The following ST6GALNAC5 variants were observed in gnomAD, a reference collection of about 807,000 sequenced individuals.
The protein encoded by ST6GALNAC5 is alpha-N-acetylgalactosaminide alpha-2,6-sialyltransferase 5.
A neutral mutation model predicts 33.6 loss-of-function variants in ST6GALNAC5; 27 were observed. The observed-to-expected ratio is 0.80, with a 90% CI of 0.59 to 1.11. The LOEUF is 1.11. Among genes scored for constraint, ST6GALNAC5 ranks in the 50% least tolerant of loss-of-function variants. The pLI is 0.00. For missense variants in ST6GALNAC5, 428 were observed against 454.0 expected, an observed-to-expected ratio of 0.94 and a Z score of 0.52; for synonymous variants, 194 against 171.2, an observed-to-expected ratio of 1.13 and a Z score of -1.04.
chr1:76,989,004 T>G (rs977730871), intron 2 of ST6GALNAC5, among the ~76,000 whole-genome samples: 3 of 152,172 alleles, frequency 2.0e-5, no homozygotes, highest in Admixed American at 2.0e-4. Context: ...TGGGATTGTA[T>G]CTGGTATTCA....
intron 2 of ST6GALNAC5, among the ~76,000 whole-genome samples, chr1:77,032,806 T>C (rs1651507910): frequency 6.6e-6 from 1 of 152,170 alleles, no homozygotes; most frequent in South Asian, 2.1e-4. Flanking sequence ...CCCAATGTAA[T>C]TCAGCTATAT....
intron 2 of ST6GALNAC5, among the ~76,000 whole-genome samples, chr1:77,002,118 C>T (rs1570078950): frequency 6.6e-6 from 1 of 152,022 alleles, no homozygotes; most frequent in Non-Finnish European, 1.5e-5. Context: ...TCCATCTGGT[C>T]CTGGACTCTT....
At chr1:76,968,659 C>G (rs530840505) in intron 2 of ST6GALNAC5, among the ~76,000 whole-genome samples, 1 of 152,282 alleles carries the variant, frequency 6.6e-6, no homozygotes, top group African/African-American at 2.4e-5. Context: ...TTAGTTGATG[C>G]AGTTTCTTCC....
chr1:76,950,941 C>G (rs955475108), intron 2 of ST6GALNAC5, among the ~76,000 whole-genome samples: 2 of 151,798 alleles, frequency 1.3e-5, no homozygotes, highest in African/African-American at 4.8e-5. Context: ...TCACGAACCA[C>G]CTGTGATAAA....
At chr1:76,900,667 C>A (rs1646809047) in intron 2 of ST6GALNAC5, among the ~76,000 whole-genome samples, 1 of 152,190 alleles carries the variant, frequency 6.6e-6, no homozygotes, top group African/African-American at 2.4e-5. Flanking sequence ...CGATCAATCT[C>A]ATTTGAAAAG....
chr1:76,869,170 C>G (rs552423206), intron 2 of ST6GALNAC5: 1 of 185,878 alleles, frequency 5.4e-6, no homozygotes, highest in Non-Finnish European at 1.1e-5. Flanking sequence ...GCAGCCAGCC[C>G]GCGGCCACTG....
In ST6GALNAC5 at chr1:77,050,384, G is replaced by A; in HGVS notation, c.779+19G>A. ...TCTGCAGGTAGGATTTATTCTGCAA[G>A]TGTAAATCATCAGCCGTGTTGTGCA... On this transcript the variant is annotated intron_variant, in intron 4 of 4. Coordinates refer to ENST00000477717, the MANE Select transcript of ST6GALNAC5 (RefSeq NM_030965.3). 1.2e-6 allele frequency: 2 copies of A among 1,602,506 alleles called. No individual in the cohort carries two copies. Among genetic ancestry groups the A allele is most frequent in the South Asian group, 2.2e-5 (2 of 90,810 alleles).
At chr1:77,034,483 A>G (rs1451307318) in intron 2 of ST6GALNAC5, among the ~76,000 whole-genome samples, 1 of 152,170 alleles carries the variant, frequency 6.6e-6, no homozygotes, top group Non-Finnish European at 1.5e-5. Context: ...GGGCTTCAAC[A>G]TAGCTTTTGA....
intron 2 of ST6GALNAC5, among the ~76,000 whole-genome samples, chr1:77,013,467 T>A (rs942385242): frequency 6.6e-6 from 1 of 152,224 alleles, no homozygotes; most frequent in Admixed American, 6.5e-5. Flanking sequence ...TCGTCTTTAT[T>A]ATGAGCTTTC....
chr1:76,897,780 G>T (rs1043905592), intron 2 of ST6GALNAC5, among the ~76,000 whole-genome samples: 1 of 152,166 alleles, frequency 6.6e-6, no homozygotes, highest in Non-Finnish European at 1.5e-5. Context: ...AACTAAAAAG[G>T]AGTGCTTAAA....
At chr1:76,920,875 G>T (rs999389418) in intron 2 of ST6GALNAC5, among the ~76,000 whole-genome samples, 1 of 152,156 alleles carries the variant, frequency 6.6e-6, no homozygotes, top group African/African-American at 2.4e-5. Flanking sequence ...ACATATGGTG[G>T]AAAGTAGAAT....
intron 2 of ST6GALNAC5, among the ~76,000 whole-genome samples, chr1:77,038,220 AGTGAAGGCTG>A (rs1651720126): frequency 6.6e-6 from 1 of 152,202 alleles, no homozygotes; most frequent in South Asian, 2.1e-4. Flanking sequence ...ACTTCTTGGC[AGTGAAGGCTG>A]GTGGGTGGGC....
intron 2 of ST6GALNAC5, among the ~76,000 whole-genome samples, chr1:76,896,727 G>A (rs1019477822): frequency 6.6e-6 from 1 of 152,166 alleles, no homozygotes; most frequent in Non-Finnish European, 1.5e-5. Context: ...AAGGAGCCGG[G>A]AGCAGAAAGT....
chr1:76,997,978 T>A (rs1649999341), intron 2 of ST6GALNAC5, among the ~76,000 whole-genome samples: 1 of 152,148 alleles, frequency 6.6e-6, no homozygotes, highest in Non-Finnish European at 1.5e-5. Flanking sequence ...TCTCATGAGA[T>A]CTGATGGTTT....
At chr1:76,909,867 T>A (rs1376816811) in intron 2 of ST6GALNAC5, among the ~76,000 whole-genome samples, 6 of 152,116 alleles carry the variant, frequency 3.9e-5, no homozygotes, top group African/African-American at 1.2e-4. Flanking sequence ...TCTTTCCTAA[T>A]TACAACTCCA....
intron 2 of ST6GALNAC5, among the ~76,000 whole-genome samples, chr1:76,941,258 C>T (rs899136178): frequency 5.9e-5 from 9 of 152,002 alleles, no homozygotes; most frequent in East Asian, 1.9e-4. Flanking sequence ...ATGTAACAGG[C>T]GGCAATATTT....
At chr1:77,001,961 T>C (rs1401056620) in intron 2 of ST6GALNAC5, among the ~76,000 whole-genome samples, 1 of 152,132 alleles carries the variant, frequency 6.6e-6, no homozygotes, top group African/African-American at 2.4e-5. Context: ...CTTTTTTGGT[T>C]GTGTCTCTGC....
chr1:77,029,303 T>C (rs1651364273), intron 2 of ST6GALNAC5, among the ~76,000 whole-genome samples: 1 of 152,186 alleles, frequency 6.6e-6, no homozygotes, highest in South Asian at 2.1e-4. Context: ...AGATGTGTAA[T>C]AGCTCAAAAA....
At chr1:77,038,535 G>A (rs55666548) in intron 2 of ST6GALNAC5, among the ~76,000 whole-genome samples, 10,829 of 152,292 alleles carry the variant, frequency 0.071, 531 homozygotes, top group Middle Eastern at 0.11. Flanking sequence ...TTTTCCCTCT[G>A]CCAAATATAT....
Sources: gnomAD v4.1 joint callset for allele counts (sites outside exome capture counted in the v4.1 genomes callset) on GRCh38, gnomAD v4.1.1 for gene constraint, MANE v1.5 for transcripts, NCBI Gene and HGNC (gene_info 2026-07-23, HGNC 2026-07-21) for gene names.